LOC400499: variants seen among roughly 807,000 people sequenced by gnomAD.
chr16:11,515,844 G>GGGCCCGGCCCAGCCC, the LOC400499 span: 1 of 360,600 alleles, frequency 2.8e-6, no homozygotes, highest in South Asian at 1.3e-4. Flanking sequence ...CAGCAGTCAG[G>GGGCCCGGCCCAGCCC]GGCCCGGCCC....
the LOC400499 span, among the ~76,000 whole-genome samples, chr16:11,527,380 G>C: frequency 6.6e-6 from 1 of 151,992 alleles, no homozygotes; most frequent in African/African-American, 2.4e-5. Flanking sequence ...CACCCCGCCC[G>C]ACAGAGAGGA....
At chr16:11,383,747 C>G in the LOC400499 span, 8,128 of 1,232,306 alleles carry the variant, frequency 6.6e-3, 468 homozygotes, top group African/African-American at 0.12. Flanking sequence ...CCACAGGGGA[C>G]CTGCACACAC....
the LOC400499 span, among the ~76,000 whole-genome samples, chr16:11,375,150 T>TGTGG: frequency 1.9e-4 from 27 of 143,480 alleles, no homozygotes; most frequent in African/African-American, 3.8e-4. Context: ...ACCTGACCTA[T>TGTGG]TAACTCTTTG....
chr16:11,409,870 T>A, the LOC400499 span, among the ~76,000 whole-genome samples: 84,095 of 134,322 alleles, frequency 0.63, 23,861 homozygotes, highest in Non-Finnish European at 0.71. Context: ...TACAAATTTA[T>A]GTAACAGATA....
At chr16:11,380,760 G>C in the LOC400499 span, 2 of 152,154 alleles carry the variant, frequency 1.3e-5, no homozygotes, top group Non-Finnish European at 2.9e-5. Context: ...ATTCCATTGT[G>C]ACACTGTGGC....
chr16:11,450,552 GA>G, the LOC400499 span: 1 of 1,507,492 alleles, frequency 6.6e-7, no homozygotes, highest in Middle Eastern at 2.1e-4. Context: ...CTCTGCACCA[GA>G]AAAAGATCTC....
At chr16:11,429,722 C>A in the LOC400499 span, among the ~76,000 whole-genome samples, 5 of 152,044 alleles carry the variant, frequency 3.3e-5, no homozygotes, top group African/African-American at 1.2e-4. Flanking sequence ...GATCTGCCCG[C>A]CTCAGCCTCC....
At chr16:11,427,429 G>A in the LOC400499 span, among the ~76,000 whole-genome samples, 2 of 147,074 alleles carry the variant, frequency 1.4e-5, no homozygotes, top group Non-Finnish European at 3.0e-5. Flanking sequence ...GCCACAAGGA[G>A]AAACCACTAG....
chr16:11,462,064 A>G, the LOC400499 span: 20 of 1,391,430 alleles, frequency 1.4e-5, no homozygotes, highest in African/African-American at 1.5e-5. Flanking sequence ...TTGGGCCACC[A>G]CACCCTAACC....
chr16:11,454,537 G>A, the LOC400499 span, among the ~76,000 whole-genome samples: 1 of 152,218 alleles, frequency 6.6e-6, no homozygotes, highest in Non-Finnish European at 1.5e-5. Context: ...AGATTAGAGA[G>A]GATGCGGCTG....
chr16:11,460,585 C>A, the LOC400499 span: 1 of 1,534,776 alleles, frequency 6.5e-7, no homozygotes, highest in Admixed American at 2.0e-5. Context: ...TGGTGCTGCA[C>A]TCGTGTGCCG....
the LOC400499 span, among the ~76,000 whole-genome samples, chr16:11,381,673 TGA>T: frequency 2.2e-3 from 340 of 152,362 alleles, no homozygotes; most frequent in African/African-American, 7.8e-3. Flanking sequence ...AGATCAGTGC[TGA>T]GAGGCTTTTT....
the LOC400499 span, chr16:11,398,504 A>G: frequency 2.4e-6 from 3 of 1,232,206 alleles, no homozygotes; most frequent in South Asian, 4.1e-5. Context: ...GAGATGGCCA[A>G]TGCCTCTGGA....
chr16:11,492,618 A>G, the LOC400499 span, among the ~76,000 whole-genome samples: 3 of 151,994 alleles, frequency 2.0e-5, no homozygotes, highest in East Asian at 5.8e-4. Flanking sequence ...CCCCATCTCT[A>G]CTAAAATTAC....
At chr16:11,497,582 G>A in the LOC400499 span, among the ~76,000 whole-genome samples, 1 of 152,218 alleles carries the variant, frequency 6.6e-6, no homozygotes, top group East Asian at 1.9e-4. Context: ...ACAGCCTGCA[G>A]GGCTGTGGGG....
the LOC400499 span, chr16:11,459,999 C>T: frequency 6.6e-7 from 1 of 1,507,758 alleles, no homozygotes; most frequent in Non-Finnish European, 8.8e-7. Flanking sequence ...CTTCCCGTAG[C>T]TCACCTCCAG....
the LOC400499 span, among the ~76,000 whole-genome samples, chr16:11,430,586 G>A: frequency 1.4e-4 from 22 of 152,166 alleles, no homozygotes; most frequent in Non-Finnish European, 2.8e-4. Flanking sequence ...TACATATAGA[G>A]AGAATATGAG....
At chr16:11,419,429 C>A in the LOC400499 span, among the ~76,000 whole-genome samples, 1 of 151,852 alleles carries the variant, frequency 6.6e-6, no homozygotes, top group Non-Finnish European at 1.5e-5. Context: ...CCCTTCCTTA[C>A]ACCTTATACA....
chr16:11,412,368 C>G, the LOC400499 span, among the ~76,000 whole-genome samples: 2 of 152,194 alleles, frequency 1.3e-5, no homozygotes, highest in African/African-American at 4.8e-5. Flanking sequence ...CTGTAGCAAC[C>G]AGAAATTCCC....
Sources: allele counts gnomAD v4.1 joint callset (sites outside exome capture counted in the v4.1 genomes callset), GRCh38; gene constraint gnomAD v4.1.1; transcripts MANE v1.5.